Variants in SPATA31D1 observed in about 807,000 individuals in gnomAD.
SPATA31D1 encodes the protein spermatogenesis-associated protein 31D1.
Under a neutral mutation model 13.2 loss-of-function variants are expected in SPATA31D1, and 6 were observed. The ratio of observed to expected loss-of-function variants is 0.46; its 90% CI spans 0.25 to 0.90. The LOEUF (loss-of-function observed/expected upper bound fraction) is 0.90. Ranked by LOEUF, SPATA31D1 falls within the 40% of genes least tolerant of loss-of-function variation. SPATA31D1 has a pLI of 0.18. For synonymous variants in SPATA31D1, 903 were observed against 718.8 expected (o/e 1.26, Z -4.10); for missense variants, 2,445 against 1,884.7 (o/e 1.30, Z -5.50).
In SPATA31D1 at chr9:81,992,174, C is replaced by T; in HGVS notation, c.1704C>T (p.Pro568=). 6.2e-7 allele frequency: 1 copy of T among 1,613,788 alleles called. No homozygotes were observed. The highest frequency in any genetic ancestry group is 8.5e-7 in the Non-Finnish European group (1 of 1,179,726). Residue 568 remains proline (P), a synonymous_variant, in exon 4 of 4, where the codon CCC becomes CCT. Coordinates refer to ENST00000344803, the MANE Select transcript of SPATA31D1 (RefSeq NM_001001670.3). The part of the protein sequence containing the change: ...TQPLPLPQTL[P]QGQSPHLTQV... Reference sequence around the variant, plus strand: ...CACTACCCTTGCCTCAAACCCTGCCCCAAGGTCAGTCCCCACATCTCACTC... The same window carrying T: ...CACTACCCTTGCCTCAAACCCTGCCTCAAGGTCAGTCCCCACATCTCACTC...
At chr9:81,989,862 C>G in intron 2 of SPATA31D1, 39 bp downstream of exon 2, 1 of 1,603,798 alleles carries the variant, frequency 6.2e-7, no homozygotes, top group East Asian at 2.2e-5. Context: ...CAGGGGTGAC[C>G]CTTTCTGTCT....
rs1280083575 is a variant in SPATA31D1, at chr9:81,994,225, C to T, written c.3755C>T (p.Ser1252Phe). ...ATCTCGAGTGGGGACATGGGAACTT[C>T]CCAGGTGGTGCATGTCCACTTGGAG... ...QGISSGDMGT[S>F]QVVHVHLEDS... is the part of the protein sequence containing the mutation. The change falls in exon 4 of 4, where the codon TCC (serine) becomes TTC (phenylalanine). Residue 1252 changes from serine (S) to phenylalanine (F), a missense_variant. Physicochemically the swap from Ser to Phe is radical, Grantham distance 155 (BLOSUM62 -2). Coordinates refer to ENST00000344803, the MANE Select transcript of SPATA31D1 (RefSeq NM_001001670.3). 6.2e-7 allele frequency: 1 copy of T among 1,613,982 alleles called. No individual in the cohort carries two copies. Among genetic ancestry groups the T allele is most frequent in the Middle Eastern group, 1.6e-4 (1 of 6,062 alleles).
intron 1 of SPATA31D1, among the ~76,000 whole-genome samples, chr9:81,989,288 CCAGG>C (rs1824906365): frequency 6.6e-6 from 1 of 152,086 alleles, no homozygotes; most frequent in Admixed American, 6.5e-5. Context: ...TTCTGTGGTC[CCAGG>C]TGGGATTATT....
At position 81,990,437 on chromosome 9, in the gene SPATA31D1, T is replaced by G. The variant is rs1824927794; in HGVS notation, c.253T>G (p.Phe85Val). ...TFKGFPDWKSFQREEEEERKL... is the reference protein window; with the variant it reads ...TFKGFPDWKSVQREEEEERKL... The stretch of plus-strand genomic sequence containing the variant: ...TTCAGGTTTCCCAGACTGGAAAAGT[T>G]TCCAGAGAGAAGAGGAAGAGGAAAG... Residue 85 changes from phenylalanine to valine, a missense_variant, in exon 3 of 4, where the codon TTC becomes GTC. Phe to Val is a conservative substitution (Grantham distance 50, BLOSUM62 -1). Transcript: ENST00000344803. The G allele has an allele frequency of 6.2e-7, 1 of 1,608,344 alleles. No individual in the cohort carries two copies. Among genetic ancestry groups the G allele is most frequent in the African/African-American group, 1.3e-5 (1 of 74,864 alleles).
Position 81,991,262 on chromosome 9 carries a change from C to A in SPATA31D1, c.792C>A (p.Ala264=). 6.2e-7 allele frequency: 1 copy of A among 1,614,014 alleles called. No homozygotes were observed. ...ERVESSLQPE[A]SLSLNTIFSF... Reference sequence around the variant, plus strand: ...TGGAGTCCAGCCTCCAACCTGAAGCCAGTTTGTCTCTGAACACCATCTTTT... The same window carrying A: ...TGGAGTCCAGCCTCCAACCTGAAGCAAGTTTGTCTCTGAACACCATCTTTT... Residue 264 remains alanine, a synonymous_variant, in exon 4 of 4, where the codon GCC becomes GCA. Transcript: ENST00000344803.
Position 81,993,527 on chromosome 9 carries a change from C to CG in SPATA31D1, c.3061dup (p.Ala1021GlyfsTer6). 1.2e-6 allele frequency: 2 copies of CG among 1,613,570 alleles called. No homozygotes were observed. The highest frequency in any genetic ancestry group is 1.7e-6 in the Non-Finnish European group (2 of 1,179,784). On this transcript the variant is annotated frameshift_variant, in exon 4 of 4. Transcript: ENST00000344803. LOFTEE classifies it low-confidence loss of function (END_TRUNC). ...ACCTTATAGAGACAGATTCCAAAGA[C>CG]GGGGCCTCCACATCCCTTAGAAGAG...
chr9:81,992,622 A>C lies in SPATA31D1; in HGVS notation c.2152A>C (p.Lys718Gln). ...ESLSLLRPQSKISELSVSERI... is the reference protein window; with the variant it reads ...ESLSLLRPQSQISELSVSERI... ...TCTGTCATTGCTACGTCCTCAGAGCAAAATTTCAGAGCTATCTGTGTCAGA... is the reference window on the plus strand; with the variant it reads ...TCTGTCATTGCTACGTCCTCAGAGCCAAATTTCAGAGCTATCTGTGTCAGA... Residue 718 changes from lysine (K) to glutamine (Q), a missense_variant, in exon 4 of 4, where the codon AAA becomes CAA. By Grantham distance (53) the Lys-to-Gln change is moderately conservative (BLOSUM62 1). Transcript: ENST00000344803. 1 of 1,613,464 alleles carries C rather than the reference A, an allele frequency of 6.2e-7. No homozygotes were observed. Among genetic ancestry groups the C allele is most frequent in the Non-Finnish European group, 8.5e-7 (1 of 1,179,738 alleles).
chr9:81,992,670 A>G lies in SPATA31D1; in HGVS notation c.2200A>G (p.Ile734Val), dbSNP rs755419107. Residue 734 changes from isoleucine to valine, a missense_variant, in exon 4 of 4, where the codon ATC becomes GTC. Physicochemically the swap from Ile to Val is conservative, Grantham distance 29. Coordinates refer to ENST00000344803, the MANE Select transcript of SPATA31D1 (RefSeq NM_001001670.3). Reference sequence around the variant, plus strand: ...AGAGAGAATTCATGGACCGTTAAATATCTCTTTGGTTGAGGGTCAGAGGTG... The same window carrying G: ...AGAGAGAATTCATGGACCGTTAAATGTCTCTTTGGTTGAGGGTCAGAGGTG... ...VSERIHGPLN[I>V]SLVEGQRCNV... is the part of the protein sequence containing the mutation. 18 of 1,613,660 alleles carry G rather than the reference A, an allele frequency of 1.1e-5. No homozygotes were observed. In the South Asian group the frequency reaches 1.9e-4, roughly 17 times the overall value.
chr9:81,989,142 T>C, intron 1 of SPATA31D1, 138 bp downstream of exon 1: 1 of 1,346,330 alleles, frequency 7.4e-7, no homozygotes, highest in Non-Finnish European at 1.0e-6. Context: ...AGAACTTCAC[T>C]CTTCTATGGA....
chr9:81,990,519 A>G (rs1271214787), intron 3 of SPATA31D1, 33 bp downstream of exon 3: 5 of 1,559,846 alleles, frequency 3.2e-6, no homozygotes, highest in Non-Finnish European at 3.5e-6. Flanking sequence ...TCCTGTTCCC[A>G]CCCCACTCCT....
At position 81,994,602 on chromosome 9, in the gene SPATA31D1, G is replaced by A; in HGVS notation, c.4132G>A (p.Gly1378Ser). Reference sequence around the variant, plus strand: ...AGAACAAGAAAGTTCCTGGGAAAAGGGTAGCTCCCTGTCATCATGTGTGCA... The same window carrying A: ...AGAACAAGAAAGTTCCTGGGAAAAGAGTAGCTCCCTGTCATCATGTGTGCA... ...YEEQESSWEKGSSLSSCVQNI... is the reference protein window; with the variant it reads ...YEEQESSWEKSSSLSSCVQNI... Residue 1378 changes from glycine (G) to serine (S), a missense_variant, in exon 4 of 4, where the codon GGT becomes AGT. By Grantham distance (56) the Gly-to-Ser change is moderately conservative (BLOSUM62 0). Coordinates refer to ENST00000344803, the MANE Select transcript of SPATA31D1 (RefSeq NM_001001670.3). 1 of 1,612,990 alleles carries A rather than the reference G, an allele frequency of 6.2e-7. No individual in the cohort carries two copies. Among genetic ancestry groups the A allele is most frequent in the South Asian group, 1.1e-5 (1 of 90,856 alleles).
In SPATA31D1 at chr9:81,992,772, A is replaced by C. The variant is rs776231374; in HGVS notation, c.2302A>C (p.Asn768His). Residue 768 changes from asparagine (N) to histidine (H), a missense_variant, in exon 4 of 4, where the codon AAT (asparagine) becomes CAT (histidine). By Grantham distance (68) the Asn-to-His change is moderately conservative. Transcript: ENST00000344803. Reference protein sequence around the residue: ...ERSSNMLSMENVGNYQGYSQE... With the variant: ...ERSSNMLSMEHVGNYQGYSQE... Reference sequence around the variant, plus strand: ...GAGCTCAAATATGCTTTCCATGGAGAATGTGGGGAATTATCAGGGATACAG... The same window carrying C: ...GAGCTCAAATATGCTTTCCATGGAGCATGTGGGGAATTATCAGGGATACAG... 1.1e-5 allele frequency: 17 copies of C among 1,613,652 alleles called. No homozygotes were observed. Among genetic ancestry groups the C allele is most frequent in the Non-Finnish European group, 1.4e-5 (17 of 1,179,730 alleles).
At chr9:81,990,590 G>T in intron 3 of SPATA31D1, 104 bp downstream of exon 3, 1 of 1,375,580 alleles carries the variant, frequency 7.3e-7, no homozygotes. Flanking sequence ...AGTTTTGGGA[G>T]TGGGTAGCCA....
Position 81,994,538 on chromosome 9 carries a change from C to G in SPATA31D1, c.4068C>G (p.Thr1356=). The stretch of plus-strand genomic sequence containing the variant: ...ACCTTTTCAGAAAATGGATGAAGAC[C>G]TCTTTGCAGTGGTTTAATAAACCCA... ...PENLFRKWMK[T]SLQWFNKPSI... The change falls in exon 4 of 4, where the codon ACC becomes ACG. Residue 1356 remains threonine, a synonymous_variant. Transcript: ENST00000344803. The G allele has an allele frequency of 6.2e-7, 1 of 1,613,434 alleles. No homozygotes were observed. The highest frequency in any genetic ancestry group is 8.5e-7 in the Non-Finnish European group (1 of 1,179,664).
rs1825063655 is a variant in SPATA31D1, at chr9:81,994,798, AC to A, written c.4329del (p.His1443GlnfsTer26). The A allele has an allele frequency of 2.5e-6, 4 of 1,614,004 alleles. No individual in the cohort carries two copies. Among genetic ancestry groups the A allele is most frequent in the Non-Finnish European group, 2.5e-6 (3 of 1,179,888 alleles). ...CCAGTGGGGCTTGGGAAAGCTCAGC[AC>A]AACCCAGAAGTGCATGTCAGAGCAG... ...SFPVGLGKAQ[H>X]NPEVHVRAEP... On this transcript the variant is annotated frameshift_variant, in exon 4 of 4. Transcript: ENST00000344803. LOFTEE classifies it low-confidence loss of function (END_TRUNC).
chr9:81,994,417 G>C lies in SPATA31D1; in HGVS notation c.3947G>C (p.Arg1316Pro), dbSNP rs771246167. 6.2e-7 allele frequency: 1 copy of C among 1,613,806 alleles called. No homozygotes were observed. Among genetic ancestry groups the C allele is most frequent in the Non-Finnish European group, 8.5e-7 (1 of 1,179,818 alleles). Residue 1316 changes from arginine (R) to proline (P), a missense_variant, in exon 4 of 4, where the codon CGC becomes CCC. By Grantham distance (103) the Arg-to-Pro change is moderately radical. Transcript: ENST00000344803. Reference sequence around the variant, plus strand: ...GATGCAGGGCTGGGGACATCCCAACGCAGGAGAAAGAGCCTCCCTGTTCAT... The same window carrying C: ...GATGCAGGGCTGGGGACATCCCAACCCAGGAGAAAGAGCCTCCCTGTTCAT... ...GGDAGLGTSQRRRKSLPVHNK... is the reference protein window; with the variant it reads ...GGDAGLGTSQPRRKSLPVHNK...
In SPATA31D1 at chr9:81,992,715, G is replaced by A. The variant is rs200798404; in HGVS notation, c.2245G>A (p.Ala749Thr). The A allele has an allele frequency of 7.9e-5, 128 of 1,613,664 alleles. No homozygotes were observed. The highest frequency in any genetic ancestry group is 2.3e-4 in the African/African-American group (17 of 74,910). The change falls in exon 4 of 4, where the codon GCA becomes ACA. Residue 749 changes from alanine to threonine, a missense_variant. Coordinates refer to ENST00000344803, the MANE Select transcript of SPATA31D1 (RefSeq NM_001001670.3). Reference protein sequence around the residue: ...GQRCNVLKKSASSFPRSFHER... With the variant: ...GQRCNVLKKSTSSFPRSFHER... ...GAGGTGCAATGTTCTAAAGAAGTCC[G>A]CATCAAGCTTCCCTAGAAGCTTCCA...
chr9:81,991,092 T>A lies in SPATA31D1; in HGVS notation c.622T>A (p.Leu208Ile), dbSNP rs1824949237. The change falls in exon 4 of 4, where the codon TTA becomes ATA. Residue 208 changes from leucine to isoleucine, a missense_variant. Physicochemically the swap from Leu to Ile is conservative, Grantham distance 5. Coordinates refer to ENST00000344803, the MANE Select transcript of SPATA31D1 (RefSeq NM_001001670.3). ...LILSPDLITTLADLFSPSPLR... is the reference protein window; with the variant it reads ...LILSPDLITTIADLFSPSPLR... ...TCTCTCACCTGACCTGATCACCACCTTAGCTGACTTATTTTCACCCTCACC... is the reference window on the plus strand; with the variant it reads ...TCTCTCACCTGACCTGATCACCACCATAGCTGACTTATTTTCACCCTCACC... The A allele has an allele frequency of 3.7e-6, 6 of 1,613,626 alleles. No individual in the cohort carries two copies. The highest frequency in any genetic ancestry group is 5.1e-6 in the Non-Finnish European group (6 of 1,179,680).
Position 81,991,963 on chromosome 9 carries a change from A to G in SPATA31D1, c.1493A>G (p.Gln498Arg). Residue 498 changes from glutamine (Q) to arginine (R), a missense_variant, in exon 4 of 4, where the codon CAA becomes CGA. Transcript: ENST00000344803. ...HSKCFEDHLEQKYVQLFWGLP... is the reference protein window; with the variant it reads ...HSKCFEDHLERKYVQLFWGLP... ...AAATGCTTTGAAGACCATTTAGAGC[A>G]AAAATATGTCCAGCTCTTCTGGGGT... is the stretch of plus-strand genomic sequence containing the variant. 4 of 1,613,806 alleles carry G rather than the reference A, an allele frequency of 2.5e-6. No individual in the cohort carries two copies. Among genetic ancestry groups the G allele is most frequent in the Non-Finnish European group, 3.4e-6 (4 of 1,179,726 alleles).
Sources: gnomAD v4.1 joint callset for allele counts (sites outside exome capture counted in the v4.1 genomes callset) on GRCh38, gnomAD v4.1.1 for gene constraint, MANE v1.5 for transcripts, NCBI Gene and HGNC (gene_info 2026-07-23, HGNC 2026-07-21) for gene names.